CDC42BPA: variants seen among roughly 807,000 people sequenced by gnomAD.
CDC42BPA encodes the protein CDC42 binding protein kinase alpha.
In CDC42BPA, 80 loss-of-function variants were observed where a neutral mutation model predicts 223.5. The ratio of observed to expected loss-of-function variants is 0.36; its 90% CI spans 0.30 to 0.43. The LOEUF (loss-of-function observed/expected upper bound fraction) is 0.43, where lower values mean the gene tolerates loss of function less well. Ranked by LOEUF, CDC42BPA falls within the 20% of genes least tolerant of loss-of-function variation. The pLI is 1.00. For synonymous variants in CDC42BPA, 694 were observed against 718.6 expected (o/e 0.97, Z 0.55); for missense variants, 1,743 against 2,099.9 (o/e 0.83, Z 3.32).
intron 1 of CDC42BPA, among the ~76,000 whole-genome samples, chr1:227,281,549 G>A (rs974725338): frequency 1.3e-5 from 2 of 152,230 alleles, no homozygotes; most frequent in South Asian, 4.1e-4. Flanking sequence ...GAGCCCCCAC[G>A]CTTGCCAGTC....
intron 35 of CDC42BPA, among the ~76,000 whole-genome samples, chr1:227,002,613 T>C (rs1017044382): frequency 8.5e-5 from 13 of 152,200 alleles, no homozygotes; most frequent in Non-Finnish European, 1.8e-4. Flanking sequence ...ACAGCACTCC[T>C]GAGGTTAGGT....
chr1:227,263,125 T>C (rs1424991578), intron 1 of CDC42BPA, among the ~76,000 whole-genome samples: 8 of 152,042 alleles, frequency 5.3e-5, no homozygotes, highest in Non-Finnish European at 1.0e-4. Context: ...CCCAGCTACT[T>C]GGGAGGCTGA....
chr1:226,997,714 T>C (rs1183393007), intron 35 of CDC42BPA, among the ~76,000 whole-genome samples: 1 of 152,210 alleles, frequency 6.6e-6, no homozygotes, highest in African/African-American at 2.4e-5. Context: ...ATTTACCCAG[T>C]AGTCATTCAA....
rs1357352763 is a variant in CDC42BPA at position 227,318,138 on chromosome 1, T to C, written c.-956A>G. On this transcript the variant is annotated 5_prime_UTR_variant, in exon 1 of 37. Transcript: ENST00000366766. Reference sequence around the variant, plus strand: ...CGCACCGGGCCGCCGCGCCGGAGGCTCCCGACGCCCCAGGCGGGGGGGTGC... The same window carrying C: ...CGCACCGGGCCGCCGCGCCGGAGGCCCCCGACGCCCCAGGCGGGGGGGTGC... 2 of 181,096 alleles carry C rather than the reference T, an allele frequency of 1.1e-5. No homozygotes were observed. The highest frequency in any genetic ancestry group is 2.2e-5 in the Non-Finnish European group (2 of 88,972). The allele number at this position is 181,096 out of a possible 1,614,324, so 11.2% of individuals were successfully genotyped here. A position where few individuals can be genotyped will look rare whatever the true frequency, so the allele number is the denominator to read the frequency against.
chr1:227,180,989 C>A (rs1348022884), intron 5 of CDC42BPA, among the ~76,000 whole-genome samples: 1 of 151,692 alleles, frequency 6.6e-6, no homozygotes, highest in Non-Finnish European at 1.5e-5. Flanking sequence ...CTTAATCAGA[C>A]ATACCACATG....
intron 6 of CDC42BPA, among the ~76,000 whole-genome samples, chr1:227,152,972 A>T (rs10799395): frequency 0.72 from 108,025 of 151,078 alleles, 38,809 homozygotes; most frequent in South Asian, 0.86. Context: ...GAGATTTTTT[A>T]AAAATTCATT....
Position 227,062,253 on chromosome 1 carries a change from C to G in CDC42BPA, c.2904+7524G>C, listed in dbSNP as rs117137083. Among the ~76,000 whole-genome samples the G allele has an allele frequency of 6.6e-5, 10 of 152,278 alleles. No individual in the cohort carries two copies. The South Asian group carries it at 1.2e-3, about 19-fold the overall frequency. On this transcript the variant is annotated intron_variant, in intron 21 of 36. Coordinates refer to ENST00000366766, the MANE Select transcript of CDC42BPA (RefSeq NM_001394014.1). ...CCCGTAACTCCCTGCTCCCTCCCCC[C>G]GCAAGTTCGCTCTGCCTGTCTAGAA...
At chr1:227,167,844 T>C (rs74877892) in intron 5 of CDC42BPA, among the ~76,000 whole-genome samples, 8,204 of 152,304 alleles carry the variant, frequency 0.054, 251 homozygotes, top group Non-Finnish European at 0.072. Context: ...AGATCCAAGC[T>C]TTCATGTAGT....
rs1553374261 is a variant in CDC42BPA, at chr1:227,168,497, G to GTTTTTTTTTTTTGTTTTTTTTTTTTT, written c.600-7862_600-7861insAAAAAAAAAAAAACAAAAAAAAAAAA. Among the ~76,000 whole-genome samples the GTTTTTTTTTTTTGTTTTTTTTTTTTT allele has an allele frequency of 5.5e-4, 44 of 80,212 alleles. 1 individual carries two copies. The highest frequency in any genetic ancestry group is 8.5e-4 in the Non-Finnish European group (36 of 42,208). The allele number at this position is 80,212 out of a possible 152,430, so 52.6% of individuals were successfully genotyped here. On this transcript the variant is annotated intron_variant, in intron 5 of 36. Transcript: ENST00000366766. ...CTTTTTCATATTTATCTTCCCTGGT[G>GTTTTTTTTTTTTGTTTTTTTTTTTTT]TTTTTTTTTTTTTTTTGAGGCAGAG... is the stretch of plus-strand genomic sequence containing the variant.
intron 1 of CDC42BPA, among the ~76,000 whole-genome samples, chr1:227,273,894 T>C (rs542883684): frequency 2.0e-5 from 3 of 146,650 alleles, no homozygotes; most frequent in Admixed American, 7.0e-5. Context: ...CCAAAGCTCT[T>C]GGAACAGCTT....
At chr1:227,045,564 TC>T (rs911707377) in intron 23 of CDC42BPA, among the ~76,000 whole-genome samples, 4 of 152,216 alleles carry the variant, frequency 2.6e-5, no homozygotes, top group African/African-American at 9.6e-5. Flanking sequence ...TTTTCTTTTT[TC>T]TGTCTTCCCT....
intron 6 of CDC42BPA, among the ~76,000 whole-genome samples, chr1:227,160,220 G>A (rs12120705): frequency 2.6e-5 from 4 of 152,162 alleles, no homozygotes; most frequent in African/African-American, 4.8e-5. Context: ...GTGAGACTTA[G>A]TTCTTTTACC....
At chr1:227,036,278 C>G (rs1670203732) in intron 24 of CDC42BPA, among the ~76,000 whole-genome samples, 1 of 152,096 alleles carries the variant, frequency 6.6e-6, no homozygotes, top group South Asian at 2.1e-4. Context: ...AAAAATCATC[C>G]AAACATCTCA....
chr1:227,203,564 A>G (rs1025899933), intron 3 of CDC42BPA, among the ~76,000 whole-genome samples: 1 of 152,118 alleles, frequency 6.6e-6, no homozygotes, highest in African/African-American at 2.4e-5. Flanking sequence ...ACCTTTTTTA[A>G]AAAAAACTAA....
At chr1:227,119,401 CA>C (rs35588882) in intron 12 of CDC42BPA, among the ~76,000 whole-genome samples, 10,537 of 151,886 alleles carry the variant, frequency 0.069, 560 homozygotes, top group East Asian at 0.25. Flanking sequence ...AACAAATCAC[CA>C]AATAAATTTT....
chr1:227,122,659 G>C (rs1444628674), intron 11 of CDC42BPA, among the ~76,000 whole-genome samples: 1 of 152,130 alleles, frequency 6.6e-6, no homozygotes, highest in African/African-American at 2.4e-5. Flanking sequence ...ATTATGAGAA[G>C]TAAAAAATAA....
rs1157938104 is a variant in CDC42BPA, at chr1:227,129,146, T to C, written c.1476A>G (p.Leu492=). Residue 492 remains leucine, a synonymous_variant, in exon 11 of 37, where the codon TTA becomes TTG. Transcript: ENST00000366766. The part of the protein sequence containing the change: ...TASKDLEIKN[L]KEEIEKLRKQ... The stretch of plus-strand genomic sequence containing the variant: ...TTCTTAGTTTTTCAATTTCTTCTTT[T>C]AAGTTTTTTATTTCTAAATCTTTGC... The C allele has an allele frequency of 2.0e-6, 3 of 1,519,516 alleles. No individual in the cohort carries two copies. Among genetic ancestry groups the C allele is most frequent in the Non-Finnish European group, 2.7e-6 (3 of 1,097,716 alleles). 94.1% of individuals were successfully genotyped at this position (1,519,516 alleles called of 1,614,324 possible).
At chr1:227,166,667 T>C (rs986375329) in intron 5 of CDC42BPA, among the ~76,000 whole-genome samples, 2 of 152,190 alleles carry the variant, frequency 1.3e-5, no homozygotes, top group African/African-American at 4.8e-5. Flanking sequence ...AAGCTGAACT[T>C]ATACAAGGAC....
rs183877333 is a variant in CDC42BPA, at chr1:227,107,918, G to C, written c.2001+4394C>G. The stretch of plus-strand genomic sequence containing the variant: ...TAATTCTTTTGTTTTCTGTTGGTCA[G>C]TAATAAAATTTTCCCTTATACTTCT... On this transcript the variant is annotated intron_variant, in intron 14 of 36. Coordinates refer to ENST00000366766, the MANE Select transcript of CDC42BPA (RefSeq NM_001394014.1). Among the ~76,000 whole-genome samples the C allele has an allele frequency of 2.3e-4, 35 of 152,198 alleles. 1 individual carries two copies. Among genetic ancestry groups the C allele is most frequent in the Admixed American group, 2.1e-3 (32 of 15,268 alleles).
Sources: gnomAD v4.1 joint callset for allele counts (sites outside exome capture counted in the v4.1 genomes callset) on GRCh38, gnomAD v4.1.1 for gene constraint, MANE v1.5 for transcripts, NCBI Gene and HGNC (gene_info 2026-07-23, HGNC 2026-07-21) for gene names.